Variants in LRRC74A observed in about 807,000 individuals in gnomAD.
LRRC74A encodes the protein leucine-rich repeat-containing protein 74A.
In LRRC74A, 44 loss-of-function variants were observed where a neutral mutation model predicts 57.9. The observed-to-expected ratio is 0.76, with a 90% CI of 0.60 to 0.98. LRRC74A has a LOEUF of 0.98. Ranked by LOEUF, LRRC74A falls within the 50% of genes least tolerant of loss-of-function variation. LRRC74A has a pLI of 0.00. For synonymous variants in LRRC74A, 211 were observed against 219.4 expected, an observed-to-expected ratio of 0.96 and a Z score of 0.34; for missense variants, 572 against 574.0, an observed-to-expected ratio of 1.00 and a Z score of 0.04.
intron 2 of LRRC74A, 70 bp downstream of exon 2, chr14:76,828,489 A>G (rs1241562040): frequency 2.5e-6 from 4 of 1,603,018 alleles, no homozygotes; most frequent in Non-Finnish European, 3.4e-6. Context: ...GGTTTCCAGG[A>G]GCTGTCATCT....
intron 11 of LRRC74A, among the ~76,000 whole-genome samples, chr14:76,861,730 C>T (rs1898325758): frequency 6.6e-6 from 1 of 152,210 alleles, no homozygotes; most frequent in Admixed American, 6.5e-5. Flanking sequence ...TGCTCAGACC[C>T]TGCTTTGGTG....
chr14:76,835,486 CA>C (rs11362184), intron 3 of LRRC74A, among the ~76,000 whole-genome samples: 112,473 of 130,760 alleles, frequency 0.86, 48,233 homozygotes, highest in Non-Finnish European at 0.92. Flanking sequence ...GACTCCATCT[CA>C]AAAAAAAAAA....
At chr14:76,829,148 G>A (rs1391524727) in intron 2 of LRRC74A, 4 of 1,289,290 alleles carry the variant, frequency 3.1e-6, no homozygotes, top group Admixed American at 2.3e-5. Context: ...GAATGACGCT[G>A]GTTCCATCTG....
chr14:76,858,932 C>T (rs1275489785), intron 10 of LRRC74A, among the ~76,000 whole-genome samples: 1 of 152,164 alleles, frequency 6.6e-6, no homozygotes, highest in Non-Finnish European at 1.5e-5. Context: ...CTCCTTAAAA[C>T]TGAATAATTA....
chr14:76,837,065 C>T (rs1392389337), intron 4 of LRRC74A, among the ~76,000 whole-genome samples: 3 of 151,966 alleles, frequency 2.0e-5, no homozygotes, highest in Non-Finnish European at 4.4e-5. Flanking sequence ...TCACTTGAAC[C>T]CCAGAGGCAG....
In LRRC74A at chr14:76,836,199, G is replaced by A. The variant is rs1425772297; in HGVS notation, c.340-8G>A. On this transcript the variant is annotated splice_region_variant and splice_polypyrimidine_tract_variant and intron_variant, in intron 3 of 13. Coordinates refer to ENST00000689127, the MANE Select transcript of LRRC74A (RefSeq NM_001385106.1). ...GTGTCTCTCTCCCTCCCCTTGTGCT[G>A]GCTGAAGTCCAACATGGCTGTTACC... 1.2e-6 allele frequency: 2 copies of A among 1,606,976 alleles called. No homozygotes were observed. Among genetic ancestry groups the A allele is most frequent in the African/African-American group, 1.3e-5 (1 of 74,778 alleles).
At chr14:76,840,585 T>TG (rs754161922) in intron 5 of LRRC74A, among the ~76,000 whole-genome samples, 1 of 76,190 alleles carries the variant, frequency 1.3e-5, no homozygotes, top group African/African-American at 5.0e-5. Context: ...TATGTATTTC[T>TG]TTTTTTTTTT....
chr14:76,850,804 G>C (rs1465712209), intron 7 of LRRC74A, among the ~76,000 whole-genome samples: 4 of 143,406 alleles, frequency 2.8e-5, no homozygotes, highest in Non-Finnish European at 3.0e-5. Context: ...GGAGGCGGAG[G>C]TTGCAGTGAG....
At chr14:76,867,913 G>C (rs2242631) in intron 13 of LRRC74A, among the ~76,000 whole-genome samples, 11,222 of 152,298 alleles carry the variant, frequency 0.074, 1,001 homozygotes, top group African/African-American at 0.2. Flanking sequence ...CGGTGTGTTA[G>C]GGACTACAGG....
chr14:76,868,795 A>G (rs952291987), intron 13 of LRRC74A, among the ~76,000 whole-genome samples: 7 of 152,210 alleles, frequency 4.6e-5, no homozygotes, highest in East Asian at 1.9e-4. Context: ...CGCGATGCAG[A>G]CAAGAAAGGC....
chr14:76,864,435 A>AGGGGGG (rs1898599231), intron 11 of LRRC74A, among the ~76,000 whole-genome samples: 1 of 1,558 alleles, frequency 6.4e-4, no homozygotes. Context: ...GGCGGGGGGA[A>AGGGGGG]GGGGGGTGGC....
rs555522124 is a variant in LRRC74A at position 76,869,518 on chromosome 14, C to T, written c.1392-607C>T. Among the ~76,000 whole-genome samples the T allele has an allele frequency of 4.2e-3, 639 of 152,170 alleles. 6 individuals are homozygous for T. Among genetic ancestry groups the T allele is most frequent in the African/African-American group, 0.015 (614 of 41,538 alleles). ...CTGTAATCCCAGCACTTTGGGAGGC[C>T]GAGGCTGGTGGAGCACGAGGTCAGG... is the stretch of plus-strand genomic sequence containing the variant. On this transcript the variant is annotated intron_variant, in intron 13 of 13. Transcript: ENST00000689127.
chr14:76,852,543 C>A, intron 8 of LRRC74A, 93 bp downstream of exon 8: 1 of 894,674 alleles, frequency 1.1e-6, no homozygotes, highest in Non-Finnish European at 1.7e-6. Flanking sequence ...TCATGGTCAC[C>A]ATCAATGAGG....
At chr14:76,841,973 A>G (rs1177867228) in intron 5 of LRRC74A, among the ~76,000 whole-genome samples, 1 of 151,904 alleles carries the variant, frequency 6.6e-6, no homozygotes, top group African/African-American at 2.4e-5. Context: ...CAGCCTCCCA[A>G]AGTGCTGGGA....
chr14:76,853,430 GGTGTGTGTGTGTGTGTGTGT>G lies in LRRC74A; in HGVS notation c.957+33_957+52del, dbSNP rs140347611. The G allele has an allele frequency of 1.7e-6, 2 of 1,180,202 alleles. No individual in the cohort carries two copies. Among genetic ancestry groups the G allele is most frequent in the Non-Finnish European group, 2.4e-6 (2 of 841,230 alleles). 73.1% of individuals were successfully genotyped at this position (1,180,202 alleles called of 1,614,324 possible). On this transcript the variant is annotated intron_variant, in intron 9 of 13. Coordinates refer to ENST00000689127, the MANE Select transcript of LRRC74A (RefSeq NM_001385106.1). ...CTGAAGGTAGTCTTCAGCTGGAAAG[GGTGTGTGTGTGTGTGTGTGT>G]GTGTGTGTGTGTTTGTGTATGTGTT...
chr14:76,866,311 G>A (rs914700168), intron 12 of LRRC74A, among the ~76,000 whole-genome samples: 20 of 152,118 alleles, frequency 1.3e-4, no homozygotes, highest in African/African-American at 1.7e-4. Flanking sequence ...CCAGTGACCC[G>A]AGATGCCACT....
At chr14:76,856,228 C>A (rs1897865626) in intron 9 of LRRC74A, among the ~76,000 whole-genome samples, 1 of 152,182 alleles carries the variant, frequency 6.6e-6, no homozygotes, top group Admixed American at 6.5e-5. Context: ...GGTTTTGCCC[C>A]CCTTCCTCAG....
rs186668467 is a variant in LRRC74A, at chr14:76,846,335, G to A, written c.676+1434G>A. ...ACTTCAAGCTGCCGGGCACTTTTGA[G>A]AACAACTTGATGGTCCTTGGTAAAC... On this transcript the variant is annotated intron_variant, in intron 7 of 13. Transcript: ENST00000689127. 4.5e-4 allele frequency among the ~76,000 whole-genome samples: 68 copies of A among 152,312 alleles called. No homozygotes were observed. In the Middle Eastern group the frequency reaches 0.014, roughly 30 times the overall value.
chr14:76,828,140 G>A (rs1895712672), intron 1 of LRRC74A, 151 bp from the exon 2 acceptor site: 1 of 1,008,840 alleles, frequency 9.9e-7, no homozygotes, highest in Admixed American at 2.9e-5. Context: ...AGGGAGGTTT[G>A]TAGAGTGGAC....
Sources: allele counts gnomAD v4.1 joint callset (sites outside exome capture counted in the v4.1 genomes callset), GRCh38; gene constraint gnomAD v4.1.1; transcripts MANE v1.5; gene names NCBI Gene and HGNC (gene_info 2026-07-23, HGNC 2026-07-21).